ERC2: variants seen among roughly 807,000 people sequenced by gnomAD.
ERC2 encodes ERC protein 2.
In ERC2, 42 loss-of-function variants were observed where a neutral mutation model predicts 114.8. The ratio of observed to expected loss-of-function variants is 0.37; its 90% CI spans 0.29 to 0.47. The LOEUF (loss-of-function observed/expected upper bound fraction) is 0.47. Ranked by LOEUF, ERC2 falls within the 20% of genes least tolerant of loss-of-function variation. The probability of loss-of-function intolerance (pLI) is 0.99; values close to 1 mark genes in which losing one functional copy is unlikely to be tolerated. For synonymous variants in ERC2, 454 were observed against 425.5 expected, an observed-to-expected ratio of 1.07 and a Z score of -0.82; for missense variants, 939 against 1,150.7, an observed-to-expected ratio of 0.82 and a Z score of 2.66.
In ERC2 at chr3:56,423,722, G is replaced by A. The variant is rs183018306; in HGVS notation, c.657+10629C>T. On this transcript the variant is annotated intron_variant, in intron 2 of 17. Transcript: ENST00000288221. ...GAAGAAATTGCACGTGCCAGAATTC[G>A]GTTGTTAGACTGCCCCAGCTCTTGG... Among the ~76,000 whole-genome samples the A allele has an allele frequency of 7.1e-3, 1,076 of 152,050 alleles. 23 individuals are homozygous for A. Among genetic ancestry groups the A allele is most frequent in the African/African-American group, 0.025 (1,022 of 41,506 alleles).
At chr3:56,168,227 A>G (rs1035022798) in intron 4 of ERC2, among the ~76,000 whole-genome samples, 11 of 152,176 alleles carry the variant, frequency 7.2e-5, no homozygotes, top group Non-Finnish European at 1.0e-4. Context: ...GCCTATTCAC[A>G]GGTTTATTGC....
chr3:55,975,431 T>G (rs2069507362), intron 12 of ERC2, among the ~76,000 whole-genome samples: 1 of 152,218 alleles, frequency 6.6e-6, no homozygotes, highest in African/African-American at 2.4e-5. Context: ...TTTTGTCTGT[T>G]TATTTGTTTC....
chr3:56,148,489 G>A (rs999125926), intron 5 of ERC2, among the ~76,000 whole-genome samples: 4 of 152,080 alleles, frequency 2.6e-5, no homozygotes, highest in African/African-American at 4.8e-5. Flanking sequence ...GTTTCACCAC[G>A]TTAGCCAGGC....
intron 14 of ERC2, among the ~76,000 whole-genome samples, chr3:55,775,323 G>A (rs2068511191): frequency 6.6e-6 from 1 of 152,066 alleles, no homozygotes; most frequent in African/African-American, 2.4e-5. Flanking sequence ...CTTGAGGTCA[G>A]GAGTTTGAGG....
chr3:56,263,838 C>G (rs1269806405), intron 3 of ERC2, among the ~76,000 whole-genome samples: 1 of 152,010 alleles, frequency 6.6e-6, no homozygotes, highest in Non-Finnish European at 1.5e-5. Context: ...GGTACCAAAG[C>G]CCAAAAAAGG....
intron 10 of ERC2, among the ~76,000 whole-genome samples, chr3:56,004,853 G>T (rs565348429): frequency 6.6e-6 from 1 of 152,004 alleles, no homozygotes; most frequent in South Asian, 2.1e-4. Flanking sequence ...TTAAAAAGAG[G>T]CCCAGACACA....
chr3:56,087,484 C>T (rs2077565117), intron 6 of ERC2, among the ~76,000 whole-genome samples: 1 of 152,066 alleles, frequency 6.6e-6, no homozygotes, highest in Non-Finnish European at 1.5e-5. Flanking sequence ...TGTGCGCCTT[C>T]AGAAACGGTT....
chr3:55,630,099 A>C (rs2059685161), intron 17 of ERC2, among the ~76,000 whole-genome samples: 1 of 152,236 alleles, frequency 6.6e-6, no homozygotes, highest in Non-Finnish European at 1.5e-5. Context: ...CTTCACATTA[A>C]TTAAAGGCTC....
chr3:56,134,557 C>T (rs912133961), intron 6 of ERC2, among the ~76,000 whole-genome samples: 31 of 151,964 alleles, frequency 2.0e-4, no homozygotes, highest in African/African-American at 7.3e-4. Context: ...ATGTATGTGC[C>T]CATGTGGATT....
chr3:56,357,297 C>G (rs2058781488), intron 2 of ERC2, among the ~76,000 whole-genome samples: 1 of 152,230 alleles, frequency 6.6e-6, no homozygotes, highest in African/African-American at 2.4e-5. Flanking sequence ...TCCCAAAGAC[C>G]TCACAACAAT....
intron 14 of ERC2, among the ~76,000 whole-genome samples, chr3:55,869,054 TG>T (rs1226119570): frequency 6.6e-6 from 1 of 152,138 alleles, no homozygotes; most frequent in Non-Finnish European, 1.5e-5. Flanking sequence ...AATACCTTCA[TG>T]AGGGAAAGGT....
At chr3:56,308,532 A>G (rs1261811324) in intron 2 of ERC2, among the ~76,000 whole-genome samples, 1 of 152,212 alleles carries the variant, frequency 6.6e-6, no homozygotes, top group Non-Finnish European at 1.5e-5. Context: ...TTATATATGT[A>G]TGATGTGCAT....
intron 14 of ERC2, among the ~76,000 whole-genome samples, chr3:55,799,538 A>G (rs1437659455): frequency 2.0e-5 from 3 of 150,098 alleles, no homozygotes; most frequent in Non-Finnish European, 3.0e-5. Flanking sequence ...ATTTTACCAC[A>G]TGCAGTGCAT....
chr3:55,592,950 C>T (rs1007222277), intron 17 of ERC2, among the ~76,000 whole-genome samples: 1 of 152,142 alleles, frequency 6.6e-6, no homozygotes, highest in African/African-American at 2.4e-5. Flanking sequence ...TGACAGGGTG[C>T]TTGAAATTTT....
At chr3:56,326,078 T>C (rs943763997) in intron 2 of ERC2, among the ~76,000 whole-genome samples, 9 of 152,206 alleles carry the variant, frequency 5.9e-5, no homozygotes, top group African/African-American at 2.2e-4. Flanking sequence ...GATCAAGGGA[T>C]GGGACTCTCA....
intron 15 of ERC2, among the ~76,000 whole-genome samples, chr3:55,717,567 T>C (rs1363228353): frequency 6.6e-6 from 1 of 152,162 alleles, no homozygotes; most frequent in African/African-American, 2.4e-5. Flanking sequence ...ACTAACTTTG[T>C]CCCTGAATAA....
At chr3:56,306,038 G>T (rs868289827) in intron 2 of ERC2, among the ~76,000 whole-genome samples, 2 of 151,826 alleles carry the variant, frequency 1.3e-5, no homozygotes, top group Non-Finnish European at 2.9e-5. Flanking sequence ...TAGTAGAGAC[G>T]GGGTTTCTCC....
rs550890430 is a variant in ERC2 at position 55,569,960 on chromosome 3, C to T, written c.*40-58684G>A. ...GCAACCTCCACCTCCCGGGTTCAAG[C>T]GATTTCTCCTGCCTCAGCCTCCCAA... On this transcript the variant is annotated intron_variant, in intron 17 of 17. Transcript: ENST00000288221. 8.0e-5 allele frequency among the ~76,000 whole-genome samples: 12 copies of T among 150,134 alleles called. No homozygotes were observed. The South Asian group carries it at 1.3e-3, about 16-fold the overall frequency.
At chr3:55,732,346 GA>G (rs1182405039) in intron 15 of ERC2, among the ~76,000 whole-genome samples, 1 of 152,138 alleles carries the variant, frequency 6.6e-6, no homozygotes, top group Non-Finnish European at 1.5e-5. Context: ...GTGGGGTGAG[GA>G]AGGATATCAG....
Sources: allele counts gnomAD v4.1 joint callset (sites outside exome capture counted in the v4.1 genomes callset), GRCh38; gene constraint gnomAD v4.1.1; transcripts MANE v1.5; gene names NCBI Gene and HGNC (gene_info 2026-07-23, HGNC 2026-07-21).